The following GRIK4 variants were observed in gnomAD, a reference collection of about 807,000 sequenced individuals.
The protein encoded by GRIK4 is glutamate receptor ionotropic, kainate 4.
GRIK4 carries 40 observed loss-of-function variants against 104.9 expected under a neutral mutation model. The observed-to-expected ratio is 0.38, with a 90% confidence interval of 0.30 to 0.50. The LOEUF (loss-of-function observed/expected upper bound fraction) is 0.50. Among genes scored for constraint, GRIK4 ranks in the 20% least tolerant of loss-of-function variants. The pLI, the probability that GRIK4 is intolerant of heterozygous loss-of-function variation, is 0.93. For missense variants in GRIK4, 1,047 were observed against 1,308.1 expected, an observed-to-expected ratio of 0.80 and a Z score of 3.08; for synonymous variants, 485 against 524.9, an observed-to-expected ratio of 0.92 and a Z score of 1.04.
chr11:120,790,391 G>T (rs568930312), intron 3 of GRIK4, among the ~76,000 whole-genome samples: 1 of 152,160 alleles, frequency 6.6e-6, no homozygotes, highest in Admixed American at 6.5e-5. Context: ...GTGAAAGTGT[G>T]GGGTGGAGCA....
chr11:120,587,275 C>T lies in GRIK4; in HGVS notation c.-158-66410C>T, dbSNP rs542181322. Among the ~76,000 whole-genome samples, 4 of 152,016 alleles carry T rather than the reference C, an allele frequency of 2.6e-5. No homozygotes were observed. In the South Asian group the frequency reaches 8.4e-4, roughly 32 times the overall value. On this transcript the variant is annotated intron_variant, in intron 1 of 20. Coordinates refer to ENST00000527524, the MANE Select transcript of GRIK4 (RefSeq NM_014619.5). ...ACACCGACAATCGGGGTGAGAGGCC[C>T]CTGGGGAAGGCACCGCGGCCAGTGT...
chr11:120,524,265 T>C lies in GRIK4; in HGVS notation c.-159+12378T>C, dbSNP rs1054639903. ...CCCCAACAACCAGAACAGCACTGGG[T>C]GCTCAGTATGCGTTTAGTGGGTGAA... is the stretch of plus-strand genomic sequence containing the variant. On this transcript the variant is annotated intron_variant, in intron 1 of 20. Coordinates refer to ENST00000527524, the MANE Select transcript of GRIK4 (RefSeq NM_014619.5). The surrounding 1 kb of genome is among the most constrained non-coding windows in gnomAD (Gnocchi z 4.5). Among the ~76,000 whole-genome samples, 2 of 152,164 alleles carry C rather than the reference T, an allele frequency of 1.3e-5. No homozygotes were observed. The highest frequency in any genetic ancestry group is 2.9e-5 in the Non-Finnish European group (2 of 68,020).
At chr11:120,890,761 G>T (rs926183965) in intron 11 of GRIK4, among the ~76,000 whole-genome samples, 20 of 152,316 alleles carry the variant, frequency 1.3e-4, no homozygotes, top group South Asian at 1.2e-3. Context: ...CAAGGTTGTT[G>T]TGCAGAATCA....
At chr11:120,697,841 AGTG>A (rs1257453330) in intron 3 of GRIK4, among the ~76,000 whole-genome samples, 1 of 152,180 alleles carries the variant, frequency 6.6e-6, no homozygotes, top group Middle Eastern at 3.2e-3. Context: ...GAAGGCTGGC[AGTG>A]GTGAAGGGAA....
At chr11:120,840,897 T>C (rs1320475205) in intron 8 of GRIK4, among the ~76,000 whole-genome samples, 15 of 152,104 alleles carry the variant, frequency 9.9e-5, no homozygotes, top group Admixed American at 9.8e-4. Flanking sequence ...CCATTCCCCC[T>C]CCCCATGGCC....
chr11:120,774,118 A>G (rs572734732), intron 3 of GRIK4, among the ~76,000 whole-genome samples: 84 of 152,356 alleles, frequency 5.5e-4, no homozygotes, highest in Admixed American at 4.5e-3. Context: ...AGCTGATCAC[A>G]GCACCATCTA....
intron 1 of GRIK4, among the ~76,000 whole-genome samples, chr11:120,650,253 A>C (rs1018885052): frequency 3.3e-5 from 5 of 152,232 alleles, no homozygotes; most frequent in Admixed American, 1.3e-4. Context: ...CCCTCAATGC[A>C]GAGCCTTATC....
chr11:120,841,375 T>C (rs1014597780), intron 8 of GRIK4, among the ~76,000 whole-genome samples: 1 of 152,226 alleles, frequency 6.6e-6, no homozygotes, highest in African/African-American at 2.4e-5. Flanking sequence ...ATATTTGTCC[T>C]TTTGTGTTTG....
chr11:120,551,411 G>C (rs932298789), intron 1 of GRIK4, among the ~76,000 whole-genome samples: 7 of 152,206 alleles, frequency 4.6e-5, no homozygotes, highest in Non-Finnish European at 8.8e-5. Context: ...GAATGCTGCA[G>C]AGAGAGGCCA....
intron 6 of GRIK4, among the ~76,000 whole-genome samples, chr11:120,829,076 C>T (rs906543927): frequency 1.3e-5 from 2 of 152,152 alleles, no homozygotes; most frequent in Non-Finnish European, 2.9e-5. Context: ...GGCCTCTTTC[C>T]CAGTCAGGCT....
chr11:120,928,996 T>TGTATGTGTGTGTGC (rs1565445109), intron 13 of GRIK4, among the ~76,000 whole-genome samples: 37 of 144,600 alleles, frequency 2.6e-4, no homozygotes, highest in African/African-American at 9.6e-4. Flanking sequence ...TGTGCGCGCG[T>TGTATGTGTGTGTGC]GCACGCGTGT....
In GRIK4 at chr11:120,558,207, A is replaced by G. The variant is rs75166413; in HGVS notation, c.-159+46320A>G. On this transcript the variant is annotated intron_variant, in intron 1 of 20. Coordinates refer to ENST00000527524, the MANE Select transcript of GRIK4 (RefSeq NM_014619.5). ...ATAATATCTACTTGAGAGGGCTGTT[A>G]TGAGGTTAAATGAGATAAAGCACAT... is the stretch of plus-strand genomic sequence containing the variant. 6.0e-3 allele frequency among the ~76,000 whole-genome samples: 921 copies of G among 152,240 alleles called. 6 individuals are homozygous for G. The highest frequency in any genetic ancestry group is 0.021 in the African/African-American group (873 of 41,526).
chr11:120,644,367 A>G (rs893368041), intron 1 of GRIK4, among the ~76,000 whole-genome samples: 1 of 152,214 alleles, frequency 6.6e-6, no homozygotes, highest in Non-Finnish European at 1.5e-5. Flanking sequence ...TAACTTAACT[A>G]TGTGCCAGCT....
At chr11:120,915,901 C>G (rs779956038) in intron 13 of GRIK4, among the ~76,000 whole-genome samples, 22 of 152,284 alleles carry the variant, frequency 1.4e-4, no homozygotes, top group Middle Eastern at 3.4e-3. Context: ...AATCCAAGCT[C>G]AGACACACAG....
rs1944760825 is a variant in GRIK4 at position 120,986,664 on chromosome 11, AG to A, written c.*405del. The stretch of plus-strand genomic sequence containing the variant: ...AATGTACCCTCCGTCTAGTTCTTAC[AG>A]AAAAAAAAAAAATTAAACAGGGAAG... On this transcript the variant is annotated 3_prime_UTR_variant, in exon 21 of 21. Transcript: ENST00000527524. The A allele has an allele frequency of 6.1e-6, 1 of 164,486 alleles. No individual in the cohort carries two copies. The highest frequency in any genetic ancestry group is 2.4e-5 in the African/African-American group (1 of 41,582). 10.2% of individuals were successfully genotyped at this position (164,486 alleles called of 1,614,324 possible).
At chr11:120,843,463 A>G (rs568120737) in intron 8 of GRIK4, among the ~76,000 whole-genome samples, 2 of 152,258 alleles carry the variant, frequency 1.3e-5, no homozygotes, top group Admixed American at 6.5e-5. Flanking sequence ...CTAGCAGTGA[A>G]GCAGCTATGG....
intron 11 of GRIK4, among the ~76,000 whole-genome samples, chr11:120,881,333 G>A (rs1340960341): frequency 6.6e-6 from 1 of 152,164 alleles, no homozygotes; most frequent in Non-Finnish European, 1.5e-5. Context: ...CAGGTACACA[G>A]GTTTCTTTTC....
chr11:120,862,276 G>A, intron 9 of GRIK4, 156 bp downstream of exon 9: 2 of 674,088 alleles, frequency 3.0e-6, no homozygotes, highest in Non-Finnish European at 5.1e-6. Context: ...GGAAGTGGTT[G>A]CAGGGTATGA....
intron 3 of GRIK4, among the ~76,000 whole-genome samples, chr11:120,683,407 G>A (rs112579432): frequency 3.3e-5 from 5 of 152,076 alleles, no homozygotes; most frequent in Admixed American, 1.3e-4. Context: ...GGGTAGGGGC[G>A]GGGAGATCAA....
Sources: allele counts gnomAD v4.1 joint callset (sites outside exome capture counted in the v4.1 genomes callset), GRCh38; gene constraint gnomAD v4.1.1; non-coding constraint Gnocchi (gnomAD v3.1); transcripts MANE v1.5; gene names NCBI Gene and HGNC (gene_info 2026-07-23, HGNC 2026-07-21).